Variants in ANO3 observed in about 807,000 individuals in gnomAD.
ANO3 encodes the protein anoctamin 3, also known as anoctamin-3.
In ANO3, 99 loss-of-function variants were observed where a neutral mutation model predicts 144.8. The observed-to-expected ratio is 0.68, with a 90% CI of 0.58 to 0.81. ANO3 has a LOEUF of 0.81. Ranked by LOEUF, ANO3 falls within the 30% of genes least tolerant of loss-of-function variation. The probability of loss-of-function intolerance (pLI) is 0.00; values close to 1 mark genes in which losing one functional copy is unlikely to be tolerated. For synonymous variants in ANO3, 414 were observed against 392.6 expected (o/e 1.05, Z -0.64); for missense variants, 905 against 1,202.2 (o/e 0.75, Z 3.66).
At chr11:26,233,262 C>G (rs1462464648) in intron 1 of ANO3, among the ~76,000 whole-genome samples, 1 of 151,324 alleles carries the variant, frequency 6.6e-6, no homozygotes, top group Non-Finnish European at 1.5e-5. Context: ...AAAAAAACAG[C>G]CCCATCAAAA....
intron 18 of ANO3, among the ~76,000 whole-genome samples, chr11:26,626,681 G>A (rs555542928): frequency 9.2e-5 from 14 of 152,194 alleles, no homozygotes; most frequent in African/African-American, 3.1e-4. Context: ...CAGAAACTTC[G>A]CTTCCAGGAG....
intron 12 of ANO3, among the ~76,000 whole-genome samples, chr11:26,551,211 T>G (rs1022892861): frequency 6.6e-6 from 1 of 151,948 alleles, no homozygotes; most frequent in Non-Finnish European, 1.5e-5. Flanking sequence ...TATAGAAAAT[T>G]TATCGCTACT....
chr11:26,319,584 T>C (rs886547660), intron 1 of ANO3, among the ~76,000 whole-genome samples: 1 of 152,174 alleles, frequency 6.6e-6, no homozygotes, highest in African/African-American at 2.4e-5. Flanking sequence ...AGGAGATGGA[T>C]TATTGGTTAA....
chr11:26,214,207 C>G (rs536531222), intron 1 of ANO3, among the ~76,000 whole-genome samples: 2 of 151,982 alleles, frequency 1.3e-5, no homozygotes, highest in African/African-American at 4.8e-5. Context: ...TCACCAATGT[C>G]TAAACCACAT....
intron 14 of ANO3, among the ~76,000 whole-genome samples, chr11:26,591,258 G>A (rs1354214365): frequency 1.3e-5 from 2 of 152,088 alleles, no homozygotes; most frequent in Non-Finnish European, 2.9e-5. Context: ...GTTGGCCAAC[G>A]ACCGCTCTTA....
At chr11:26,536,990 T>C (rs1483982167) in intron 9 of ANO3, among the ~76,000 whole-genome samples, 1 of 151,380 alleles carries the variant, frequency 6.6e-6, no homozygotes, top group African/African-American at 2.4e-5. Flanking sequence ...TATTTCTCAA[T>C]ACCAATATCC....
intron 14 of ANO3, among the ~76,000 whole-genome samples, chr11:26,564,732 CATATATATATATATAT>C (rs66510170): frequency 1.1e-3 from 29 of 25,400 alleles, no homozygotes; most frequent in East Asian, 4.9e-3. Context: ...CACACACACA[CATATATATATATATAT>C]ATATATATAT....
chr11:26,595,457 G>GTTTTTTTTTTTTTTTTTTTTTTT (rs1411703035), intron 14 of ANO3, among the ~76,000 whole-genome samples: 3 of 67,838 alleles, frequency 4.4e-5, no homozygotes, highest in Non-Finnish European at 5.4e-5. Context: ...TTGAGATAGA[G>GTTTTTTTTTTTTTTTTTTTTTTT]TTGTTTTTTT....
chr11:26,626,498 A>T (rs1398779303), intron 18 of ANO3, among the ~76,000 whole-genome samples: 1 of 152,198 alleles, frequency 6.6e-6, no homozygotes, highest in African/African-American at 2.4e-5. Context: ...TGTCATTCTG[A>T]GTCACTGGTT....
At chr11:26,364,063 G>A (rs1426174801) in intron 1 of ANO3, among the ~76,000 whole-genome samples, 1 of 152,156 alleles carries the variant, frequency 6.6e-6, no homozygotes, top group Non-Finnish European at 1.5e-5. Context: ...GGCAGAAACT[G>A]TAATTAATAT....
intron 14 of ANO3, among the ~76,000 whole-genome samples, chr11:26,592,079 T>G (rs1336216379): frequency 6.6e-6 from 1 of 152,120 alleles, no homozygotes; most frequent in Non-Finnish European, 1.5e-5. Context: ...TTGTTGACAT[T>G]TAGCTAAGGA....
In ANO3 at chr11:26,432,808, G is replaced by C. The variant is rs1257680754; in HGVS notation, c.47-9110G>C. 2.6e-5 allele frequency among the ~76,000 whole-genome samples: 4 copies of C among 152,258 alleles called. No individual in the cohort carries two copies. In the East Asian group the frequency reaches 7.7e-4, roughly 29 times the overall value. ...ATGCTACCTTGTTTACTGTAGTCCT[G>C]TAGTATAGTTTGAAGTCGGGTAACA... On this transcript the variant is annotated intron_variant, in intron 1 of 26. Coordinates refer to ENST00000256737, the MANE Select transcript of ANO3 (RefSeq NM_031418.4).
chr11:26,612,378 A>G (rs186385285), intron 17 of ANO3, among the ~76,000 whole-genome samples: 21 of 151,534 alleles, frequency 1.4e-4, no homozygotes, highest in Admixed American at 1.1e-3. Flanking sequence ...CATAAAAAAT[A>G]CCATAGGCTC....
At chr11:26,575,563 T>G (rs1474576775) in intron 14 of ANO3, among the ~76,000 whole-genome samples, 2 of 152,132 alleles carry the variant, frequency 1.3e-5, no homozygotes, top group East Asian at 3.9e-4. Flanking sequence ...CTAGTATAAA[T>G]TTATTTTAAA....
intron 1 of ANO3, among the ~76,000 whole-genome samples, chr11:26,203,829 CAA>C (rs1668920266): frequency 6.6e-6 from 1 of 152,040 alleles, no homozygotes; most frequent in South Asian, 2.1e-4. Context: ...TTAACTCCTA[CAA>C]AAGTTTCTCT....
At chr11:26,325,367 A>C (rs1854858831) in intron 1 of ANO3, among the ~76,000 whole-genome samples, 1 of 152,152 alleles carries the variant, frequency 6.6e-6, no homozygotes, top group African/African-American at 2.4e-5. Flanking sequence ...TGTTACTTAG[A>C]GGAATTATAG....
At chr11:26,510,864 A>C (rs566281020) in intron 5 of ANO3, among the ~76,000 whole-genome samples, 1 of 152,268 alleles carries the variant, frequency 6.6e-6, no homozygotes, top group East Asian at 1.9e-4. Context: ...GTCATCCAAA[A>C]AGGGTCCTGT....
chr11:26,465,146 G>GTGTGTGTGTGTT, intron 4 of ANO3, among the ~76,000 whole-genome samples: 1 of 149,064 alleles, frequency 6.7e-6, no homozygotes, highest in South Asian at 2.1e-4. Context: ...GTGTGTGTGT[G>GTGTGTGTGTGTT]TGTGTGTGTG....
intron 1 of ANO3, among the ~76,000 whole-genome samples, chr11:26,315,776 T>G (rs1854613075): frequency 6.6e-6 from 1 of 152,054 alleles, no homozygotes; most frequent in Non-Finnish European, 1.5e-5. Flanking sequence ...TGCTTTTGAA[T>G]CATTTAAATA....
Sources: allele counts gnomAD v4.1 joint callset (sites outside exome capture counted in the v4.1 genomes callset), GRCh38; gene constraint gnomAD v4.1.1; transcripts MANE v1.5; gene names NCBI Gene and HGNC (gene_info 2026-07-23, HGNC 2026-07-21).